The following RYR3 variants were observed in gnomAD, a reference collection of about 807,000 sequenced individuals.
The protein encoded by RYR3 is ryanodine receptor 3.
RYR3 carries 207 observed loss-of-function variants against 584.3 expected under a neutral mutation model. The observed-to-expected ratio is 0.35, with a 90% CI of 0.32 to 0.40. The LOEUF (loss-of-function observed/expected upper bound fraction) is 0.40, where lower values mean the gene tolerates loss of function less well. Ranked by LOEUF, RYR3 falls within the 10% of genes least tolerant of loss-of-function variation. The pLI is 1.00. For synonymous variants in RYR3, 2,416 were observed against 2,248.5 expected, an observed-to-expected ratio of 1.07 and a Z score of -2.11; for missense variants, 5,616 against 6,089.2, an observed-to-expected ratio of 0.92 and a Z score of 2.59.
intron 1 of RYR3, among the ~76,000 whole-genome samples, chr15:33,454,205 G>A (rs1029064944): frequency 6.6e-6 from 1 of 152,180 alleles, no homozygotes; most frequent in African/African-American, 2.4e-5. Flanking sequence ...AGAAATTGAA[G>A]ACTAAGAAGG....
chr15:33,716,404 A>G (rs980922872), intron 43 of RYR3, among the ~76,000 whole-genome samples: 1 of 151,946 alleles, frequency 6.6e-6, no homozygotes, highest in African/African-American at 2.4e-5. Context: ...CTCCCACTGG[A>G]CTCCCTGGAA....
At position 33,646,524 on chromosome 15, in the gene RYR3, A is replaced by G; in HGVS notation, c.3939A>G (p.Lys1313=). The part of the protein sequence containing the change: ...SPCLDSEAFQ[K]RKQMQEILSH... ...GTCTGGACAGTGAAGCTTTCCAGAAAAGGTGAGGGTGAGGCCTCCAGTTCT... is the reference window on the plus strand; with the variant it reads ...GTCTGGACAGTGAAGCTTTCCAGAAGAGGTGAGGGTGAGGCCTCCAGTTCT... The change falls in exon 29 of 104, where the codon AAA becomes AAG. Residue 1313 remains lysine (K), a splice_region_variant and synonymous_variant. Transcript: ENST00000634891. 6.2e-7 allele frequency: 1 copy of G among 1,608,188 alleles called. No individual in the cohort carries two copies. Among genetic ancestry groups the G allele is most frequent in the Non-Finnish European group, 8.5e-7 (1 of 1,175,916 alleles).
intron 12 of RYR3, among the ~76,000 whole-genome samples, chr15:33,576,699 A>T (rs1359667377): frequency 6.6e-6 from 1 of 152,186 alleles, no homozygotes; most frequent in Non-Finnish European, 1.5e-5. Context: ...CCCCTTGAAA[A>T]CCAGCACAAG....
chr15:33,366,059 C>G (rs761506980), intron 1 of RYR3, among the ~76,000 whole-genome samples: 1 of 152,054 alleles, frequency 6.6e-6, no homozygotes, highest in Non-Finnish European at 1.5e-5. Flanking sequence ...GAGAATTGTG[C>G]GTGGAAACTA....
At chr15:33,804,948 G>C (rs1208981501) in intron 69 of RYR3, among the ~76,000 whole-genome samples, 1 of 152,202 alleles carries the variant, frequency 6.6e-6, no homozygotes, top group African/African-American at 2.4e-5. Context: ...AGGAAGTGGA[G>C]AAAATATACA....
rs1491296584 is a variant in RYR3, at chr15:33,664,614, T to TATATATATATATATATATATATATAC, written c.5619+878_5619+879insTATATATATATATATATATATATACA. On this transcript the variant is annotated intron_variant, in intron 36 of 103. Coordinates refer to ENST00000634891, the MANE Select transcript of RYR3 (RefSeq NM_001036.6). ...GTATATATATATATATATATATATA[T>TATATATATATATATATATATATATAC]ACGTATGTATACATCTGCGAGGGAG... Among the ~76,000 whole-genome samples the TATATATATATATATATATATATATAC allele has an allele frequency of 3.1e-3, 370 of 120,158 alleles. 7 individuals carry two copies. Among genetic ancestry groups the TATATATATATATATATATATATATAC allele is most frequent in the Middle Eastern group, 4.5e-3 (1 of 220 alleles). 78.8% of individuals were successfully genotyped at this position (120,158 alleles called of 152,430 possible). A position where few individuals can be genotyped will look rare whatever the true frequency, so the allele number is the denominator to read the frequency against.
intron 1 of RYR3, among the ~76,000 whole-genome samples, chr15:33,394,298 A>G (rs1363449345): frequency 6.6e-6 from 1 of 152,234 alleles, no homozygotes; most frequent in Non-Finnish European, 1.5e-5. Context: ...AGGGTACACA[A>G]GCTTTTCGAT....
intron 69 of RYR3, among the ~76,000 whole-genome samples, chr15:33,806,911 C>T (rs1231095817): frequency 6.7e-6 from 1 of 149,580 alleles, no homozygotes; most frequent in Non-Finnish European, 1.5e-5. Flanking sequence ...CAACCCCACA[C>T]CCAGCTGAAT....
intron 3 of RYR3, among the ~76,000 whole-genome samples, chr15:33,516,143 C>T (rs970784031): frequency 1.3e-5 from 2 of 152,102 alleles, no homozygotes; most frequent in African/African-American, 4.8e-5. Context: ...GTCCTAGTTG[C>T]TGTATCTTAC....
chr15:33,463,750 A>G (rs969149091), intron 1 of RYR3, among the ~76,000 whole-genome samples: 1 of 152,192 alleles, frequency 6.6e-6, no homozygotes, highest in African/African-American at 2.4e-5. Context: ...GAGGCTGAGT[A>G]GCTTTTATGG....
chr15:33,419,320 T>C (rs1405455638), intron 1 of RYR3, among the ~76,000 whole-genome samples: 1 of 152,052 alleles, frequency 6.6e-6, no homozygotes, highest in Non-Finnish European at 1.5e-5. Flanking sequence ...ACCAAATCAT[T>C]TTAGAGGTGT....
chr15:33,505,101 C>T (rs1244871340), intron 3 of RYR3, among the ~76,000 whole-genome samples: 6 of 152,230 alleles, frequency 3.9e-5, no homozygotes, highest in East Asian at 3.9e-4. Context: ...AGTTTGTTCT[C>T]GCTTGAAGTT....
intron 1 of RYR3, among the ~76,000 whole-genome samples, chr15:33,404,657 C>T (rs1430840029): frequency 2.7e-5 from 4 of 150,020 alleles, no homozygotes; most frequent in South Asian, 4.2e-4. Context: ...GTATACAAGT[C>T]GAGAAGCTGA....
At chr15:33,757,706 GT>G in intron 60 of RYR3, 110 bp downstream of exon 60, 1 of 1,234,232 alleles carries the variant, frequency 8.1e-7, no homozygotes, top group Admixed American at 2.4e-5. Context: ...ACTGGATGAT[GT>G]TTTGGTTTGT....
Position 33,636,217 on chromosome 15 carries a change from T to G in RYR3, c.3382-159T>G, listed in dbSNP as rs141435310. Among the ~76,000 whole-genome samples the G allele has an allele frequency of 2.8e-3, 427 of 152,294 alleles. 2 individuals carry two copies. The highest frequency in any genetic ancestry group is 0.01 in the African/African-American group (419 of 41,564). ...CTACCTTGTGTGTCTTGGTTTCATT[T>G]ATAACATAGACCACTCCTCCTTGTT... On this transcript the variant is annotated intron_variant, in intron 26 of 103. Coordinates refer to ENST00000634891, the MANE Select transcript of RYR3 (RefSeq NM_001036.6).
intron 1 of RYR3, among the ~76,000 whole-genome samples, chr15:33,433,902 C>A (rs1284982194): frequency 6.6e-6 from 1 of 152,212 alleles, no homozygotes; most frequent in Admixed American, 6.5e-5. Flanking sequence ...AGTGTGACCT[C>A]ACTGGACACA....
chr15:33,540,886 A>G lies in RYR3; in HGVS notation c.642A>G (p.Glu214=), dbSNP rs747649899. 2 of 1,605,550 alleles carry G rather than the reference A, an allele frequency of 1.2e-6. No individual in the cohort carries two copies. Among genetic ancestry groups the G allele is most frequent in the East Asian group, 4.5e-5 (2 of 44,820 alleles). Residue 214 remains glutamate, a synonymous_variant, in exon 7 of 104, where the codon GAA becomes GAG. Transcript: ENST00000634891. ...VHPTCSGSSI[E]EGYLLGGHVV... ...CTACGTGCTCAGGAAGTAGCATCGA[A>G]GAAGGTGTGCTTCTTTAAATGCATT...
chr15:33,645,728 C>T (rs1225616284), intron 28 of RYR3, among the ~76,000 whole-genome samples: 1 of 152,196 alleles, frequency 6.6e-6, no homozygotes, highest in African/African-American at 2.4e-5. Flanking sequence ...TCCCTCTCCA[C>T]ACACAAATTG....
At chr15:33,384,597 A>G (rs1241559461) in intron 1 of RYR3, among the ~76,000 whole-genome samples, 2 of 66,768 alleles carry the variant, frequency 3.0e-5, no homozygotes, top group African/African-American at 1.2e-4. Flanking sequence ...ACATATCTAT[A>G]TATGCACACA....
Sources: gnomAD v4.1 joint callset for allele counts (sites outside exome capture counted in the v4.1 genomes callset) on GRCh38, gnomAD v4.1.1 for gene constraint, MANE v1.5 for transcripts, NCBI Gene and HGNC (gene_info 2026-07-23, HGNC 2026-07-21) for gene names.